Variants in C2orf80 observed in about 807,000 individuals in gnomAD.
The protein encoded by C2orf80 is chromosome 2 open reading frame 80.
A neutral mutation model predicts 30.2 loss-of-function variants in C2orf80; 28 were observed. The ratio of observed to expected loss-of-function variants is 0.93; its 90% CI spans 0.69 to 1.27. C2orf80 has a LOEUF of 1.27. C2orf80 is among the 50% of genes most tolerant of loss of function. The pLI is 0.00. For synonymous variants in C2orf80, 80 were observed against 76.4 expected (o/e 1.05, Z -0.24); for missense variants, 220 against 231.0 (o/e 0.95, Z 0.31).
rs184723487 is a variant in C2orf80, at chr2:208,180,624, A to G, written c.366+121T>C. 88 of 763,988 alleles carry G rather than the reference A, an allele frequency of 1.2e-4. No individual in the cohort carries two copies. The East Asian group carries it at 2.4e-3, about 21-fold the overall frequency. The allele number at this position is 763,988 out of a possible 1,614,324, so 47.3% of individuals were successfully genotyped here. A position where few individuals can be genotyped will look rare whatever the true frequency, so the allele number is the denominator to read the frequency against. On this transcript the variant is annotated intron_variant, in intron 6 of 8. Transcript: ENST00000341287. ...AAGAAATGGTTATGTCTGGTTTTGT[A>G]CATTTTGATGTAAAACTGTTATTTC...
intron 8 of C2orf80, among the ~76,000 whole-genome samples, chr2:208,166,650 C>T (rs903860866): frequency 4.6e-5 from 7 of 152,022 alleles, no homozygotes; most frequent in Non-Finnish European, 1.5e-5. Context: ...TTGCCACTGT[C>T]CTGACACTTT....
rs927388650 is a variant in C2orf80, at chr2:208,176,689, T to A, written c.366+4056A>T. Among the ~76,000 whole-genome samples the A allele has an allele frequency of 1.2e-4, 19 of 152,008 alleles. 1 individual carries two copies. The highest frequency in any genetic ancestry group is 2.6e-4 in the Non-Finnish European group (18 of 68,008). On this transcript the variant is annotated intron_variant, in intron 6 of 8. Coordinates refer to ENST00000341287, the MANE Select transcript of C2orf80 (RefSeq NM_001099334.3). ...ACTTCATTCCCACGACAACCCCATC[T>A]TTGCGTCCCTGTTTTTACAAATGAA...
intron 6 of C2orf80, among the ~76,000 whole-genome samples, chr2:208,172,622 A>T (rs1696138814): frequency 6.6e-6 from 1 of 152,182 alleles, no homozygotes; most frequent in Non-Finnish European, 1.5e-5. Context: ...ACCATAATAC[A>T]CTTAACAGAC....
intron 6 of C2orf80, among the ~76,000 whole-genome samples, chr2:208,174,925 A>AT (rs1174021908): frequency 3.3e-5 from 5 of 152,064 alleles, no homozygotes; most frequent in African/African-American, 1.2e-4. Flanking sequence ...GCTGAAGAAT[A>AT]TTTTTATTTT....
chr2:208,180,650 A>C, intron 6 of C2orf80, 95 bp downstream of exon 6: 1 of 966,426 alleles, frequency 1.0e-6, no homozygotes. Context: ...CTGTTATTTC[A>C]TAATTGATGT....
intron 8 of C2orf80, among the ~76,000 whole-genome samples, chr2:208,167,105 G>A (rs1158931714): frequency 6.6e-6 from 1 of 152,176 alleles, no homozygotes; most frequent in Non-Finnish European, 1.5e-5. Flanking sequence ...GGGTAGCCTG[G>A]ATTCAAGAAG....
chr2:208,178,995 G>A lies in C2orf80; in HGVS notation c.366+1750C>T, dbSNP rs569312682. 4.6e-5 allele frequency among the ~76,000 whole-genome samples: 7 copies of A among 152,214 alleles called. No homozygotes were observed. In the South Asian group the frequency reaches 1.2e-3, roughly 27 times the overall value. On this transcript the variant is annotated intron_variant, in intron 6 of 8. Transcript: ENST00000341287. ...GCTAGTCTCAAACTCCCGACCTCAG[G>A]TGATCCACCCACCTTGGCCTCCCAA...
chr2:208,175,294 TA>T (rs1273699757), intron 6 of C2orf80, among the ~76,000 whole-genome samples: 11 of 148,792 alleles, frequency 7.4e-5, no homozygotes, highest in South Asian at 2.1e-4. Context: ...GACTCTGTCT[TA>T]AAAAAAAAAT....
chr2:208,186,549 A>C (rs1392165887), intron 2 of C2orf80, among the ~76,000 whole-genome samples: 3 of 152,352 alleles, frequency 2.0e-5, no homozygotes, highest in South Asian at 4.1e-4. Flanking sequence ...TGACAATAAA[A>C]GAGGCAGAGC....
At chr2:208,172,426 T>C (rs866959917) in intron 6 of C2orf80, among the ~76,000 whole-genome samples, 1 of 152,110 alleles carries the variant, frequency 6.6e-6, no homozygotes, top group African/African-American at 2.4e-5. Flanking sequence ...TTCCGAGAAA[T>C]GTATCCTGAT....
In C2orf80 at chr2:208,180,613, T is replaced by A. The variant is rs561771816; in HGVS notation, c.366+132A>T. On this transcript the variant is annotated intron_variant, in intron 6 of 8. Transcript: ENST00000341287. ...GTTATTCAAGTAAGAAATGGTTATG[T>A]CTGGTTTTGTACATTTTGATGTAAA... The A allele has an allele frequency of 2.0e-4, 136 of 682,052 alleles. No homozygotes were observed. The South Asian group carries it at 2.6e-3, about 13-fold the overall frequency. The allele number at this position is 682,052 out of a possible 1,614,324, so 42.3% of individuals were successfully genotyped here.
At chr2:208,178,717 C>T (rs897417987) in intron 6 of C2orf80, among the ~76,000 whole-genome samples, 2 of 151,932 alleles carry the variant, frequency 1.3e-5, no homozygotes, top group African/African-American at 4.8e-5. Context: ...AGTTCAAGAC[C>T]AGCCTGTGGA....
chr2:208,165,704 T>C lies in C2orf80; in HGVS notation c.*103A>G. 1 of 1,533,552 alleles carries C rather than the reference T, an allele frequency of 6.5e-7. No individual in the cohort carries two copies. The highest frequency in any genetic ancestry group is 8.9e-7 in the Non-Finnish European group (1 of 1,125,844). 95.0% of individuals were successfully genotyped at this position (1,533,552 alleles called of 1,614,324 possible). A position where few individuals can be genotyped will look rare whatever the true frequency, so the allele number is the denominator to read the frequency against. On this transcript the variant is annotated 3_prime_UTR_variant, in exon 9 of 9. Transcript: ENST00000341287. Reference sequence around the variant, plus strand: ...TTCAGTGCAGTTGTACCAAAAACAGTTGTAAAGAAAAATGTACTGGCAAGA... The same window carrying C: ...TTCAGTGCAGTTGTACCAAAAACAGCTGTAAAGAAAAATGTACTGGCAAGA...
At chr2:208,167,631 C>T (rs529051259) in intron 8 of C2orf80, among the ~76,000 whole-genome samples, 6 of 152,198 alleles carry the variant, frequency 3.9e-5, no homozygotes, top group South Asian at 4.1e-4. Context: ...GGCTGGAGTG[C>T]GCTGGTGCAA....
At chr2:208,174,905 A>C (rs1331262959) in intron 6 of C2orf80, among the ~76,000 whole-genome samples, 1 of 152,120 alleles carries the variant, frequency 6.6e-6, no homozygotes, top group Non-Finnish European at 1.5e-5. Context: ...CTCTTTCTCC[A>C]TCAAATGGAG....
At chr2:208,180,136 C>A (rs541797804) in intron 6 of C2orf80, among the ~76,000 whole-genome samples, 217 of 152,014 alleles carry the variant, frequency 1.4e-3, no homozygotes, top group African/African-American at 5.0e-3. Context: ...AAAAAGTGTA[C>A]GTGAAAAATT....
At position 208,187,105 on chromosome 2, in the gene C2orf80, A is replaced by G. The variant is rs1574377554; in HGVS notation, c.-75-44T>C. 41 of 876,006 alleles carry G rather than the reference A, an allele frequency of 4.7e-5. 1 individual carries two copies. In the South Asian group the frequency reaches 6.0e-4, roughly 13 times the overall value. 54.3% of individuals were successfully genotyped at this position (876,006 alleles called of 1,614,324 possible). On this transcript the variant is annotated intron_variant, in intron 1 of 8. Transcript: ENST00000341287. ...GAGAATATGAGTTAGGGATGCTATC[A>G]CTCCAAATACCAGTCATGGAGTCCT...
chr2:208,171,988 T>G lies in C2orf80; in HGVS notation c.454A>C (p.Ser152Arg), dbSNP rs10804166. Residue 152 changes from serine (S) to arginine (R), a missense_variant and splice_region_variant, in exon 7 of 9, where the codon AGT becomes CGT. Coordinates refer to ENST00000341287, the MANE Select transcript of C2orf80 (RefSeq NM_001099334.3). ...PKAAAYARKQ[S>R]VKSRKVTTNK... ...AGCAGGTGAAAGTAACCAGGCTTAC[T>G]CTGTTTGCGGGCGTATGCTGCTGCT... The G allele has an allele frequency of 6.2e-7, 1 of 1,612,512 alleles. No individual in the cohort carries two copies. Among genetic ancestry groups the G allele is most frequent in the Non-Finnish European group, 8.5e-7 (1 of 1,178,676 alleles).
At chr2:208,185,628 C>T (rs6710217) in intron 2 of C2orf80, among the ~76,000 whole-genome samples, 40,666 of 151,864 alleles carry the variant, frequency 0.27, 5,858 homozygotes, top group African/African-American at 0.37. Flanking sequence ...GGTGCTACCC[C>T]GGGAATGTGA....
Sources: allele counts gnomAD v4.1 joint callset (sites outside exome capture counted in the v4.1 genomes callset), GRCh38; gene constraint gnomAD v4.1.1; transcripts MANE v1.5; gene names NCBI Gene and HGNC (gene_info 2026-07-23, HGNC 2026-07-21).